Variants in HEXB observed in about 807,000 individuals in gnomAD.
HEXB encodes beta-hexosaminidase subunit beta.
Under a neutral mutation model 71.2 loss-of-function variants are expected in HEXB, and 51 were observed. The ratio of observed to expected loss-of-function variants is 0.72; its 90% CI spans 0.57 to 0.90. HEXB has a LOEUF of 0.90. HEXB is among the 40% of genes least tolerant of loss of function. HEXB has a pLI of 0.00. For missense variants in HEXB, 617 were observed against 677.0 expected, an observed-to-expected ratio of 0.91 and a Z score of 0.98; for synonymous variants, 266 against 249.3, an observed-to-expected ratio of 1.07 and a Z score of -0.63.
chr5:74,695,763 C>G (rs1749099096), intron 3 of HEXB, among the ~76,000 whole-genome samples: 1 of 150,934 alleles, frequency 6.6e-6, no homozygotes, highest in Non-Finnish European at 1.5e-5. Context: ...AGTACTTGAA[C>G]CCGGGAGGTG....
intron 5 of HEXB, among the ~76,000 whole-genome samples, chr5:74,703,559 G>A (rs1374856174): frequency 6.6e-6 from 1 of 152,134 alleles, no homozygotes. Context: ...GTGTGTACCT[G>A]TGTATGTATA....
chr5:74,689,102 T>C (rs761032529), intron 1 of HEXB, among the ~76,000 whole-genome samples: 4 of 152,192 alleles, frequency 2.6e-5, no homozygotes, highest in Non-Finnish European at 5.9e-5. Context: ...AAAATTCCCA[T>C]GCCTGAATCC....
At chr5:74,699,489 G>A (rs1370816103) in intron 5 of HEXB, among the ~76,000 whole-genome samples, 1 of 151,882 alleles carries the variant, frequency 6.6e-6, no homozygotes. Context: ...TGGTCAGGCT[G>A]ATCTTGAACT....
Position 74,718,717 on chromosome 5 carries a change from T to C in HEXB, c.1243-80T>C, listed in dbSNP as rs569850523. On this transcript the variant is annotated intron_variant, in intron 10 of 13. Coordinates refer to ENST00000261416, the MANE Select transcript of HEXB (RefSeq NM_000521.4). ...TAAGGATCTTAGAAAATTATGTTCCTAGTAATAATGCCTTAAACTTTCAAT... is the reference window on the plus strand; with the variant it reads ...TAAGGATCTTAGAAAATTATGTTCCCAGTAATAATGCCTTAAACTTTCAAT... 56 of 1,349,372 alleles carry C rather than the reference T, an allele frequency of 4.2e-5. 1 individual carries two copies. In the East Asian group the frequency reaches 1.3e-3, roughly 31 times the overall value. 83.6% of individuals were successfully genotyped at this position (1,349,372 alleles called of 1,614,324 possible).
At chr5:74,659,607 G>C (rs1748281925) in intron 1 of HEXB, among the ~76,000 whole-genome samples, 1 of 152,154 alleles carries the variant, frequency 6.6e-6, no homozygotes. Flanking sequence ...AGAAAAAGTG[G>C]GGTGGGCCTC....
chr5:74,702,983 G>A (rs1749298922), intron 5 of HEXB, among the ~76,000 whole-genome samples: 1 of 152,104 alleles, frequency 6.6e-6, no homozygotes, highest in South Asian at 2.1e-4. Context: ...ATGGAGTTTC[G>A]CTCTTGTCGC....
At chr5:74,667,385 C>T (rs1467065130) in intron 1 of HEXB, among the ~76,000 whole-genome samples, 1 of 152,026 alleles carries the variant, frequency 6.6e-6, no homozygotes, top group Non-Finnish European at 1.5e-5. Context: ...CGCCATTGCA[C>T]TCCAGCCTGG....
intron 1 of HEXB, among the ~76,000 whole-genome samples, chr5:74,670,809 C>T (rs899666716): frequency 1.3e-5 from 2 of 152,182 alleles, no homozygotes; most frequent in Admixed American, 6.5e-5. Context: ...GGTCCAGCCA[C>T]AAGACCCACA....
chr5:74,655,312 C>CT (rs386404134), intron 1 of HEXB, among the ~76,000 whole-genome samples: 31,701 of 124,792 alleles, frequency 0.25, 4,481 homozygotes, highest in Admixed American at 0.34. Flanking sequence ...AAGCATTAAA[C>CT]TTTTTTTTTT....
intron 5 of HEXB, among the ~76,000 whole-genome samples, chr5:74,703,140 A>G (rs1484246496): frequency 6.6e-6 from 1 of 152,162 alleles, no homozygotes; most frequent in African/African-American, 2.4e-5. Flanking sequence ...TTTAGTAGAG[A>G]TGGGGTTTCG....
At chr5:74,705,381 T>G (rs1749362446) in intron 6 of HEXB, 61 bp downstream of exon 6, 1 of 927,382 alleles carries the variant, frequency 1.1e-6, no homozygotes, top group Non-Finnish European at 1.8e-6. Context: ...ATTACAAGTT[T>G]GTAGCTTAAA....
At chr5:74,713,725 A>G in intron 7 of HEXB, 90 bp downstream of exon 7, 3 of 1,071,110 alleles carry the variant, frequency 2.8e-6, no homozygotes, top group Non-Finnish European at 4.2e-6. Context: ...GTGCAGTAGT[A>G]CAATCTCGGC....
chr5:74,717,659 A>C (rs1749706936), intron 9 of HEXB, among the ~76,000 whole-genome samples: 1 of 151,714 alleles, frequency 6.6e-6, no homozygotes, highest in Non-Finnish European at 1.5e-5. Context: ...AAAACCTCAA[A>C]TTTTAAAACT....
At chr5:74,687,610 C>G (rs2112126394) in intron 1 of HEXB, among the ~76,000 whole-genome samples, 1 of 152,272 alleles carries the variant, frequency 6.6e-6, no homozygotes, top group Non-Finnish European at 1.5e-5. Flanking sequence ...AATTTTACTA[C>G]CTAGGGTCAA....
chr5:74,677,490 CTTTT>C (rs566302720), intron 1 of HEXB, among the ~76,000 whole-genome samples: 4 of 77,274 alleles, frequency 5.2e-5, no homozygotes, highest in Admixed American at 1.4e-4. Flanking sequence ...TCTTCTTCTT[CTTTT>C]TTTTTTTTTT....
At chr5:74,694,298 G>A (rs1580382098) in intron 3 of HEXB, among the ~76,000 whole-genome samples, 1 of 152,172 alleles carries the variant, frequency 6.6e-6, no homozygotes, top group African/African-American at 2.4e-5. Context: ...CACTACACAT[G>A]GCCCCAACCT....
At chr5:74,687,283 G>A (rs1748896116) in intron 1 of HEXB, among the ~76,000 whole-genome samples, 1 of 152,202 alleles carries the variant, frequency 6.6e-6, no homozygotes, top group Admixed American at 6.5e-5. Flanking sequence ...TTGGAAATAT[G>A]GGAGTGTTCA....
At chr5:74,691,310 C>T (rs13178702) in intron 2 of HEXB, among the ~76,000 whole-genome samples, 31,360 of 152,072 alleles carry the variant, frequency 0.21, 3,453 homozygotes, top group African/African-American at 0.26. Context: ...TAAAAATATG[C>T]ATGCCCTGAG....
intron 9 of HEXB, among the ~76,000 whole-genome samples, chr5:74,718,088 T>C (rs1489643012): frequency 6.6e-6 from 1 of 152,196 alleles, no homozygotes; most frequent in African/African-American, 2.4e-5. Flanking sequence ...TAAACCCCCA[T>C]ACTATGTTAG....
Sources: gnomAD v4.1 joint callset for allele counts (sites outside exome capture counted in the v4.1 genomes callset) on GRCh38, gnomAD v4.1.1 for gene constraint, MANE v1.5 for transcripts, NCBI Gene and HGNC (gene_info 2026-07-23, HGNC 2026-07-21) for gene names.